The following RIPOR2 variants were observed in gnomAD, a reference collection of about 807,000 sequenced individuals.
RIPOR2 encodes RHO family interacting cell polarization regulator 2.
RIPOR2 carries 39 observed loss-of-function variants against 114.5 expected under a neutral mutation model. That is an observed-to-expected ratio of 0.34 (90% CI 0.26 to 0.44). RIPOR2 has a LOEUF of 0.44. Among genes scored for constraint, RIPOR2 ranks in the 20% least tolerant of loss-of-function variants. The pLI is 1.00. For synonymous variants in RIPOR2, 445 were observed against 484.4 expected (o/e 0.92, Z 1.07); for missense variants, 1,007 against 1,255.1 (o/e 0.80, Z 2.99).
chr6:24,947,269 G>T (rs1244881294), intron 1 of RIPOR2, among the ~76,000 whole-genome samples: 1 of 152,084 alleles, frequency 6.6e-6, no homozygotes, highest in African/African-American at 2.4e-5. Flanking sequence ...CTCCGTCTCG[G>T]GTTTTGGGCT....
chr6:24,843,003 A>G lies in RIPOR2; in HGVS notation c.1716T>C (p.Ser572=), dbSNP rs148527955. The G allele has an allele frequency of 1.0e-3, 1,589 of 1,593,250 alleles. 5 individuals carry two copies. In the African/African-American group the frequency reaches 0.013, roughly 13 times the overall value. ...LLSEGSVGGE[S]EGCRSFLDGS... ...CATCTAGAAAGGATCTGCAGCCTTC[A>G]GATTCTCCACCAACAGAACCCTCAG... Residue 572 remains serine (S), a synonymous_variant, in exon 13 of 22, where the codon TCT becomes TCC. Coordinates refer to ENST00000643898, the MANE Select transcript of RIPOR2 (RefSeq NM_001286445.3).
chr6:24,898,950 G>GTTTTTTTTTTTTTT (rs10584291), intron 1 of RIPOR2, among the ~76,000 whole-genome samples: 1 of 127,368 alleles, frequency 7.9e-6, no homozygotes, highest in African/African-American at 2.8e-5. Flanking sequence ...TCAGGGAGTA[G>GTTTTTTTTTTTTTT]TTTTTTTTTT....
intron 1 of RIPOR2, among the ~76,000 whole-genome samples, chr6:24,914,181 A>C (rs1769893892): frequency 6.6e-6 from 1 of 152,052 alleles, no homozygotes; most frequent in Non-Finnish European, 1.5e-5. Flanking sequence ...TTAAAAATGC[A>C]AAAAATTAGC....
Position 24,912,353 on chromosome 6 carries a change from C to A in RIPOR2, c.61+23485G>T, listed in dbSNP as rs186954059. ...TTCCCTTGCCAACCCCACCCTGCAA[C>A]TTATCTGCAACCACATAGCTTTTGC... On this transcript the variant is annotated intron_variant, in intron 1 of 21. Transcript: ENST00000643898. 7.6e-4 allele frequency among the ~76,000 whole-genome samples: 115 copies of A among 152,128 alleles called. 1 individual carries two copies. Among genetic ancestry groups the A allele is most frequent in the Middle Eastern group, 6.8e-3 (2 of 292 alleles).
rs1772943871 is a variant in RIPOR2 at position 24,954,568 on chromosome 6, G to C, written c.77-78751C>G. ...CCTCCCAGGCTTAAGCGTTTCTCCTGTCTCAGCCTCCCAGGTAGCTGGGAC... is the reference window on the plus strand; with the variant it reads ...CCTCCCAGGCTTAAGCGTTTCTCCTCTCTCAGCCTCCCAGGTAGCTGGGAC... On this transcript the variant is annotated intron_variant, in intron 1 of 13. Transcript: ENST00000510784. 2.7e-5 allele frequency among the ~76,000 whole-genome samples: 4 copies of C among 148,924 alleles called. No homozygotes were observed. The South Asian group carries it at 8.4e-4, about 31-fold the overall frequency.
chr6:24,897,751 T>G (rs1016629419), intron 1 of RIPOR2, among the ~76,000 whole-genome samples: 1 of 152,062 alleles, frequency 6.6e-6, no homozygotes, highest in African/African-American at 2.4e-5. Flanking sequence ...ACAGTTAGTG[T>G]TTTTATTTTT....
chr6:24,978,414 C>T (rs1356520914), intron 1 of RIPOR2, among the ~76,000 whole-genome samples: 2 of 152,114 alleles, frequency 1.3e-5, no homozygotes, highest in African/African-American at 2.4e-5. Context: ...ATATATATCA[C>T]TTTAAGTAAC....
At chr6:24,897,159 A>G (rs1267087216) in intron 1 of RIPOR2, among the ~76,000 whole-genome samples, 2 of 152,208 alleles carry the variant, frequency 1.3e-5, no homozygotes, top group Non-Finnish European at 2.9e-5. Flanking sequence ...GTGGGTGTTG[A>G]GTCTAATCAA....
chr6:24,976,863 T>C (rs1046258075), intron 1 of RIPOR2: 1 of 1,609,546 alleles, frequency 6.2e-7, no homozygotes, highest in African/African-American at 1.3e-5. Context: ...GGCAAGCATG[T>C]GGTCTTTGGC....
intron 19 of RIPOR2, among the ~76,000 whole-genome samples, chr6:24,819,558 G>A (rs1759482308): frequency 6.6e-6 from 1 of 151,514 alleles, no homozygotes; most frequent in African/African-American, 2.4e-5. Flanking sequence ...CTGTGGCCCA[G>A]GCTGGAGTGC....
At chr6:24,869,187 AGTTC>A in intron 5 of RIPOR2, 40 bp from the exon 6 acceptor site, 2 of 1,034,522 alleles carry the variant, frequency 1.9e-6, no homozygotes, top group Non-Finnish European at 1.5e-6. Flanking sequence ...AGTCATTTAT[AGTTC>A]AATTGACTTA....
At chr6:24,945,009 A>T (rs1161168636) in intron 1 of RIPOR2, among the ~76,000 whole-genome samples, 1 of 152,114 alleles carries the variant, frequency 6.6e-6, no homozygotes, top group Non-Finnish European at 1.5e-5. Context: ...TGAAAAGAAG[A>T]ATTGTAATGT....
chr6:24,882,314 A>ATG lies in RIPOR2; in HGVS notation c.62-6498_62-6497insCA, dbSNP rs541694882. On this transcript the variant is annotated intron_variant, in intron 1 of 21. Transcript: ENST00000643898. ...GAGACAGGTAAGGCTAGATATATAT[A>ATG]TTAAAGTAAGAATCCTGGTTGTCAG... is the stretch of plus-strand genomic sequence containing the variant. Among the ~76,000 whole-genome samples the ATG allele has an allele frequency of 3.3e-5, 5 of 152,384 alleles. No homozygotes were observed. In the South Asian group the frequency reaches 1.0e-3, roughly 32 times the overall value.
At chr6:24,902,073 T>C (rs756683224) in intron 1 of RIPOR2, among the ~76,000 whole-genome samples, 12 of 152,108 alleles carry the variant, frequency 7.9e-5, no homozygotes, top group Admixed American at 1.3e-4. Flanking sequence ...AGGAGGCCTG[T>C]GCAGAAGAGA....
intron 1 of RIPOR2, among the ~76,000 whole-genome samples, chr6:24,896,452 A>T (rs1013123423): frequency 3.3e-5 from 5 of 152,322 alleles, no homozygotes; most frequent in African/African-American, 1.2e-4. Context: ...GAGGAAAAAA[A>T]ACTTCAAAGG....
At chr6:24,963,576 T>C (rs1163998693) in intron 1 of RIPOR2, among the ~76,000 whole-genome samples, 2 of 152,194 alleles carry the variant, frequency 1.3e-5, no homozygotes, top group African/African-American at 2.4e-5. Context: ...TATACACCAA[T>C]ATGTACATAT....
intron 1 of RIPOR2, among the ~76,000 whole-genome samples, chr6:24,887,614 T>G (rs1766951902): frequency 6.6e-6 from 1 of 152,188 alleles, no homozygotes; most frequent in Admixed American, 6.5e-5. Flanking sequence ...ACATTACTGC[T>G]CTCCCTTTTC....
chr6:24,998,915 T>C (rs905238443), intron 1 of RIPOR2, among the ~76,000 whole-genome samples: 1 of 151,956 alleles, frequency 6.6e-6, no homozygotes, highest in African/African-American at 2.4e-5. Flanking sequence ...ATTGACTTCT[T>C]CCACAAACTA....
At chr6:24,895,826 T>TA (rs900059584) in intron 1 of RIPOR2, among the ~76,000 whole-genome samples, 10 of 151,874 alleles carry the variant, frequency 6.6e-5, no homozygotes, top group African/African-American at 2.2e-4. Flanking sequence ...CTGTCTCTAC[T>TA]AAAAAATACA....
Sources: allele counts gnomAD v4.1 joint callset (sites outside exome capture counted in the v4.1 genomes callset), GRCh38; gene constraint gnomAD v4.1.1; transcripts MANE v1.5; gene names NCBI Gene and HGNC (gene_info 2026-07-23, HGNC 2026-07-21).